BHLHA15: variants seen among roughly 807,000 people sequenced by gnomAD.
BHLHA15 encodes basic helix-loop-helix family member a15, also known as class A basic helix-loop-helix protein 15.
Under a neutral mutation model 10.4 loss-of-function variants are expected in BHLHA15, and 7 were observed. The observed-to-expected ratio is 0.67, with a 90% CI of 0.38 to 1.26. BHLHA15 has a LOEUF of 1.26. Among genes scored for constraint, BHLHA15 ranks in the 50% most tolerant of loss-of-function variants. The pLI, the probability that BHLHA15 is intolerant of heterozygous loss-of-function variation, is 0.02. For missense variants in BHLHA15, 289 were observed against 287.4 expected (o/e 1.01, Z -0.04); for synonymous variants, 140 against 131.5 (o/e 1.06, Z -0.44).
intron 1 of BHLHA15, among the ~76,000 whole-genome samples, 181 bp downstream of exon 1, chr7:98,211,679 T>C (rs1420818405): frequency 2.0e-5 from 3 of 152,086 alleles, no homozygotes; most frequent in East Asian, 3.9e-4. Flanking sequence ...CGCCAGGCCC[T>C]GGCCATTGCC....
Position 98,213,063 on chromosome 7 carries a change from G to T in BHLHA15, c.*184G>T. 2 of 612,142 alleles carry T rather than the reference G, an allele frequency of 3.3e-6. No individual in the cohort carries two copies. The highest frequency in any genetic ancestry group is 5.4e-6 in the Non-Finnish European group (2 of 369,802). 37.9% of individuals were successfully genotyped at this position (612,142 alleles called of 1,614,324 possible). A position where few individuals can be genotyped will look rare whatever the true frequency, so the allele number is the denominator to read the frequency against. ...GGAGCAATTTTTCCTGCCCCGCTGG[G>T]GACCAGCGAGTGGCCTAGTTGCGGC... On this transcript the variant is annotated 3_prime_UTR_variant, in exon 2 of 2. Coordinates refer to ENST00000609256, the MANE Select transcript of BHLHA15 (RefSeq NM_177455.4).
Position 98,213,092 on chromosome 7 carries a change from G to A in BHLHA15, c.*213G>A, listed in dbSNP as rs975938972. 5.4e-6 allele frequency: 3 copies of A among 551,254 alleles called. No homozygotes were observed. The highest frequency in any genetic ancestry group is 9.3e-6 in the Non-Finnish European group (3 of 321,268). The allele number at this position is 551,254 out of a possible 1,614,324, so 34.1% of individuals were successfully genotyped here. ...CAGCGAGTGGCCTAGTTGCGGCTGT[G>A]GCCCTGGACAGCGGCGTGAGGCCCA... On this transcript the variant is annotated 3_prime_UTR_variant, in exon 2 of 2. Coordinates refer to ENST00000609256, the MANE Select transcript of BHLHA15 (RefSeq NM_177455.4).
chr7:98,213,886 G>C lies in BHLHA15; in HGVS notation c.*1007G>C, dbSNP rs186573783. Among the ~76,000 whole-genome samples the C allele has an allele frequency of 2.0e-4, 31 of 152,350 alleles. No individual in the cohort carries two copies. In the East Asian group the frequency reaches 5.2e-3, roughly 26 times the overall value. On this transcript the variant is annotated 3_prime_UTR_variant, in exon 2 of 2. Coordinates refer to ENST00000609256, the MANE Select transcript of BHLHA15 (RefSeq NM_177455.4). ...GGCAGCCCGTTGGGTCTCTCTGCCT[G>C]GTGGAGCCTTGGGGTGGCAGGTACG... is the stretch of plus-strand genomic sequence containing the variant.
Position 98,212,877 on chromosome 7 carries a change from T to C in BHLHA15, c.568T>C (p.Ter190GlnextTer106). 6.5e-7 allele frequency: 1 copy of C among 1,531,454 alleles called. No individual in the cohort carries two copies. The highest frequency in any genetic ancestry group is 8.7e-7 in the Non-Finnish European group (1 of 1,144,348). The allele number at this position is 1,531,454 out of a possible 1,614,324, so 94.9% of individuals were successfully genotyped here. A position where few individuals can be genotyped will look rare whatever the true frequency, so the allele number is the denominator to read the frequency against. ...GATCCACAGCTTCCGAGAGGGCACC[T>C]AGCGCCCAGTCCTGGGTGGGGGTGG... is the stretch of plus-strand genomic sequence containing the variant. ...TQIHSFREGT[*>Q] The change falls in exon 2 of 2, where the codon TAG becomes CAG. Residue 190 changes from the stop codon to glutamine (Q), a stop_lost. Coordinates refer to ENST00000609256, the MANE Select transcript of BHLHA15 (RefSeq NM_177455.4).
chr7:98,212,083 T>G (rs1285285266), intron 1 of BHLHA15, among the ~76,000 whole-genome samples, 173 bp from the exon 2 acceptor site: 8 of 152,108 alleles, frequency 5.3e-5, no homozygotes, highest in East Asian at 1.9e-4. Context: ...TGGGTGTGTG[T>G]GGGGTCAGCC....
In BHLHA15 at chr7:98,215,238, T is replaced by A. The variant is rs1584313777; in HGVS notation, c.*2359T>A. 1 of 152,070 alleles carries A rather than the reference T, an allele frequency of 6.6e-6. No homozygotes were observed. The highest frequency in any genetic ancestry group is 1.5e-5 in the Non-Finnish European group (1 of 68,030). 9.4% of individuals were successfully genotyped at this position (152,070 alleles called of 1,614,324 possible). A position where few individuals can be genotyped will look rare whatever the true frequency, so the allele number is the denominator to read the frequency against. ...GAGAGCTCCGAAGGCGCGATCCCCA[T>A]CCCCACCAGTGGAGAAGCCAGAACC... On this transcript the variant is annotated 3_prime_UTR_variant, in exon 2 of 2. Coordinates refer to ENST00000609256, the MANE Select transcript of BHLHA15 (RefSeq NM_177455.4).
At position 98,213,002 on chromosome 7, in the gene BHLHA15, G is replaced by A. The variant is rs991846037; in HGVS notation, c.*123G>A. On this transcript the variant is annotated 3_prime_UTR_variant, in exon 2 of 2. Coordinates refer to ENST00000609256, the MANE Select transcript of BHLHA15 (RefSeq NM_177455.4). ...CACCCCACAAGGACACGGCCTCAGC[G>A]GTTCCATTTTCCCCCGAACATTCAG... is the stretch of plus-strand genomic sequence containing the variant. 2.6e-5 allele frequency: 24 copies of A among 932,426 alleles called. No homozygotes were observed. Among genetic ancestry groups the A allele is most frequent in the African/African-American group, 1.4e-4 (8 of 58,922 alleles). 57.8% of individuals were successfully genotyped at this position (932,426 alleles called of 1,614,324 possible).
Position 98,212,622 on chromosome 7 carries a change from G to A in BHLHA15, c.313G>A (p.Val105Met). 3 of 1,606,628 alleles carry A rather than the reference G, an allele frequency of 1.9e-6. No individual in the cohort carries two copies. The highest frequency in any genetic ancestry group is 2.5e-6 in the Non-Finnish European group (3 of 1,177,598). ...GGCCCTGCGTGAAGTCATCCCCCAC[G>A]TGCGCGCGGACAAGAAGCTCTCCAA... The part of the protein sequence containing the change: ...FQALREVIPH[V>M]RADKKLSKIE... The change falls in exon 2 of 2, where the codon GTG (valine) becomes ATG (methionine). Residue 105 changes from valine to methionine, a missense_variant. Transcript: ENST00000609256.
rs570878067 is a variant in BHLHA15 at position 98,214,377 on chromosome 7, C to T, written c.*1498C>T. ...TCCTGGCCCTACCGCCCCAGCTGTC[C>T]TTCAGCACAGCTCGGGGTGGGGACT... On this transcript the variant is annotated 3_prime_UTR_variant, in exon 2 of 2. Transcript: ENST00000609256. Among the ~76,000 whole-genome samples, 2 of 152,210 alleles carry T rather than the reference C, an allele frequency of 1.3e-5. No homozygotes were observed. Among genetic ancestry groups the T allele is most frequent in the East Asian group, 3.8e-4 (2 of 5,198 alleles).
Position 98,212,628 on chromosome 7 carries a change from G to C in BHLHA15, c.319G>C (p.Ala107Pro). 1 of 1,605,864 alleles carries C rather than the reference G, an allele frequency of 6.2e-7. No homozygotes were observed. The highest frequency in any genetic ancestry group is 8.5e-7 in the Non-Finnish European group (1 of 1,177,250). Residue 107 changes from alanine to proline, a missense_variant, in exon 2 of 2, where the codon GCG (alanine) becomes CCG (proline). Ala to Pro is a conservative substitution (Grantham distance 27). Transcript: ENST00000609256. ...GCGTGAAGTCATCCCCCACGTGCGC[G>C]CGGACAAGAAGCTCTCCAAGATCGA... ...ALREVIPHVR[A>P]DKKLSKIETL...
chr7:98,214,302 C>G lies in BHLHA15; in HGVS notation c.*1423C>G, dbSNP rs979616375. Among the ~76,000 whole-genome samples, 1 of 152,340 alleles carries G rather than the reference C, an allele frequency of 6.6e-6. No homozygotes were observed. Among genetic ancestry groups the G allele is most frequent in the East Asian group, 1.9e-4 (1 of 5,180 alleles). ...CTGGTCAGGGCCCCTTAAGGTGGCC[C>G]GGGCACATTGGTTTCATTTCGATGA... On this transcript the variant is annotated 3_prime_UTR_variant, in exon 2 of 2. Transcript: ENST00000609256.
chr7:98,212,883 C>G lies in BHLHA15; in HGVS notation c.*4C>G. 6.5e-7 allele frequency: 1 copy of G among 1,528,410 alleles called. No homozygotes were observed. Among genetic ancestry groups the G allele is most frequent in the South Asian group, 1.3e-5 (1 of 79,980 alleles). 94.7% of individuals were successfully genotyped at this position (1,528,410 alleles called of 1,614,324 possible). A position where few individuals can be genotyped will look rare whatever the true frequency, so the allele number is the denominator to read the frequency against. Reference sequence around the variant, plus strand: ...CAGCTTCCGAGAGGGCACCTAGCGCCCAGTCCTGGGTGGGGGTGGCGGTGG... The same window carrying G: ...CAGCTTCCGAGAGGGCACCTAGCGCGCAGTCCTGGGTGGGGGTGGCGGTGG... On this transcript the variant is annotated 3_prime_UTR_variant, in exon 2 of 2. Coordinates refer to ENST00000609256, the MANE Select transcript of BHLHA15 (RefSeq NM_177455.4).
In BHLHA15 at chr7:98,214,395, T is replaced by G. The variant is rs1584312764; in HGVS notation, c.*1516T>G. 6.6e-6 allele frequency among the ~76,000 whole-genome samples: 1 copy of G among 152,144 alleles called. No homozygotes were observed. ...AGCTGTCCTTCAGCACAGCTCGGGG[T>G]GGGGACTCCAGGATGCTGGGTCTGC... On this transcript the variant is annotated 3_prime_UTR_variant, in exon 2 of 2. Coordinates refer to ENST00000609256, the MANE Select transcript of BHLHA15 (RefSeq NM_177455.4).
chr7:98,212,410 G>T lies in BHLHA15; in HGVS notation c.101G>T (p.Gly34Val). The part of the protein sequence containing the change: ...GTPDGSLPNP[G>V]PEPAKGLRSR... ...CCCGACGGGTCCCTGCCGAACCCGG[G>T]GCCAGAGCCGGCCAAGGGTCTGCGG... is the stretch of plus-strand genomic sequence containing the variant. The change falls in exon 2 of 2, where the codon GGG (glycine) becomes GTG (valine). Residue 34 changes from glycine to valine, a missense_variant. Gly to Val is a moderately radical substitution (Grantham distance 109). Transcript: ENST00000609256. 1.3e-6 allele frequency: 2 copies of T among 1,491,330 alleles called. No homozygotes were observed. Among genetic ancestry groups the T allele is most frequent in the Non-Finnish European group, 1.8e-6 (2 of 1,122,002 alleles). The allele number at this position is 1,491,330 out of a possible 1,614,324, so 92.4% of individuals were successfully genotyped here. A position where few individuals can be genotyped will look rare whatever the true frequency, so the allele number is the denominator to read the frequency against.
chr7:98,212,573 G>C lies in BHLHA15; in HGVS notation c.264G>C (p.Met88Ile). 6.2e-7 allele frequency: 1 copy of C among 1,604,112 alleles called. No homozygotes were observed. Among genetic ancestry groups the C allele is most frequent in the Non-Finnish European group, 8.5e-7 (1 of 1,177,150 alleles). ...LESNERERQR[M>I]HKLNNAFQAL... The stretch of plus-strand genomic sequence containing the variant: ...GCAACGAGAGGGAGCGGCAGCGGAT[G>C]CACAAGCTAAATAACGCCTTCCAGG... The change falls in exon 2 of 2, where the codon ATG (methionine) becomes ATC (isoleucine). Residue 88 changes from methionine (M) to isoleucine (I), a missense_variant. Transcript: ENST00000609256.
chr7:98,211,827 G>T (rs1797910393), intron 1 of BHLHA15, among the ~76,000 whole-genome samples: 1 of 152,194 alleles, frequency 6.6e-6, no homozygotes, highest in Non-Finnish European at 1.5e-5. Flanking sequence ...GAGCCTGGTG[G>T]CTGGAGTCAC....
In BHLHA15 at chr7:98,212,930, C is replaced by T. The variant is rs184687880; in HGVS notation, c.*51C>T. 9.5e-4 allele frequency: 1,395 copies of T among 1,474,900 alleles called. 4 individuals are homozygous for T. The highest frequency in any genetic ancestry group is 3.8e-3 in the Admixed American group (136 of 36,036). 91.4% of individuals were successfully genotyped at this position (1,474,900 alleles called of 1,614,324 possible). A position where few individuals can be genotyped will look rare whatever the true frequency, so the allele number is the denominator to read the frequency against. On this transcript the variant is annotated 3_prime_UTR_variant, in exon 2 of 2. Transcript: ENST00000609256. ...GTGGCCGCAGCTGCCTGGCCTGCTC[C>T]TCCCAGCCCCAGTCCCTCCAAGCCA...
chr7:98,212,827 G>T lies in BHLHA15; in HGVS notation c.518G>T (p.Gly173Val). 7 of 1,550,774 alleles carry T rather than the reference G, an allele frequency of 4.5e-6. No individual in the cohort carries two copies. The highest frequency in any genetic ancestry group is 6.1e-6 in the Non-Finnish European group (7 of 1,150,932). Reference sequence around the variant, plus strand: ...GGGGCCACGGAGGCCCAGCCCCAGGGCCACCTGCAGAGGTACTCCACGCAG... The same window carrying T: ...GGGGCCACGGAGGCCCAGCCCCAGGTCCACCTGCAGAGGTACTCCACGCAG... ...ALGATEAQPQ[G>V]HLQRYSTQIH... The change falls in exon 2 of 2, where the codon GGC becomes GTC. Residue 173 changes from glycine (G) to valine (V), a missense_variant. Physicochemically the swap from Gly to Val is moderately radical, Grantham distance 109 (BLOSUM62 -3). Coordinates refer to ENST00000609256, the MANE Select transcript of BHLHA15 (RefSeq NM_177455.4).
Position 98,212,410 on chromosome 7 carries a change from G to A in BHLHA15, c.101G>A (p.Gly34Glu), listed in dbSNP as rs1403456124. ...GTPDGSLPNP[G>E]PEPAKGLRSR... ...CCCGACGGGTCCCTGCCGAACCCGGGGCCAGAGCCGGCCAAGGGTCTGCGG... is the reference window on the plus strand; with the variant it reads ...CCCGACGGGTCCCTGCCGAACCCGGAGCCAGAGCCGGCCAAGGGTCTGCGG... The change falls in exon 2 of 2, where the codon GGG becomes GAG. Residue 34 changes from glycine to glutamate, a missense_variant. Physicochemically the swap from Gly to Glu is moderately conservative, Grantham distance 98. Coordinates refer to ENST00000609256, the MANE Select transcript of BHLHA15 (RefSeq NM_177455.4). 2 of 1,491,330 alleles carry A rather than the reference G, an allele frequency of 1.3e-6. No individual in the cohort carries two copies. The highest frequency in any genetic ancestry group is 2.8e-5 in the East Asian group (1 of 36,060). 92.4% of individuals were successfully genotyped at this position (1,491,330 alleles called of 1,614,324 possible).
Sources: gnomAD v4.1 joint callset for allele counts (sites outside exome capture counted in the v4.1 genomes callset) on GRCh38, gnomAD v4.1.1 for gene constraint, MANE v1.5 for transcripts, NCBI Gene and HGNC (gene_info 2026-07-23, HGNC 2026-07-21) for gene names.